Variants in PAQR3 observed in about 807,000 individuals in gnomAD.
The protein encoded by PAQR3 is Raf kinase trapping to Golgi.
Under a neutral mutation model 41.7 loss-of-function variants are expected in PAQR3, and 39 were observed. The observed-to-expected ratio is 0.93, with a 90% CI of 0.72 to 1.22. The LOEUF (loss-of-function observed/expected upper bound fraction) is 1.22. Among genes scored for constraint, PAQR3 ranks in the 50% most tolerant of loss-of-function variants. The probability of loss-of-function intolerance (pLI) is 0.00; values close to 1 mark genes in which losing one functional copy is unlikely to be tolerated. For missense variants in PAQR3, 366 were observed against 385.6 expected (o/e 0.95, Z 0.42); for synonymous variants, 140 against 140.6 (o/e 1.00, Z 0.03).
chr4:78,903,917 G>C (rs1054143383), intron 11 of PAQR3, among the ~76,000 whole-genome samples: 2 of 151,964 alleles, frequency 1.3e-5, no homozygotes, highest in Non-Finnish European at 2.9e-5. Flanking sequence ...ACAGATGAGA[G>C]TTTTAAGCCA....
chr4:78,938,960 G>T, intron 1 of PAQR3, 80 bp downstream of exon 1: 1 of 1,356,162 alleles, frequency 7.4e-7, no homozygotes, highest in Non-Finnish European at 1.0e-6. Context: ...CAGAAAGGCG[G>T]GGAAAGCAGA....
Position 78,920,494 on chromosome 4 carries a change from T to C in PAQR3, c.*45A>G. ...AATAGTGGGGTATACAATTCCCCATTATATATTGCTTAACAACTGAATTCA... is the reference window on the plus strand; with the variant it reads ...AATAGTGGGGTATACAATTCCCCATCATATATTGCTTAACAACTGAATTCA... On this transcript the variant is annotated 3_prime_UTR_variant, in exon 6 of 6. Transcript: ENST00000512733. The C allele has an allele frequency of 6.3e-7, 1 of 1,575,654 alleles. No homozygotes were observed. Among genetic ancestry groups the C allele is most frequent in the Non-Finnish European group, 8.6e-7 (1 of 1,160,976 alleles).
rs779527833 is a variant in PAQR3, at chr4:78,935,264, C to T, written c.205G>A (p.Glu69Lys). ...CIKSLFILSN[E>K]TVNIWSHLLG... ...AAATGACTCCAGATGTTTACTGTCT[C>T]ATTAGATAAAATAAACAAACTGGAA... Residue 69 changes from glutamate (E) to lysine (K), a missense_variant, in exon 2 of 6, where the codon GAG becomes AAG. Coordinates refer to ENST00000512733, the MANE Select transcript of PAQR3 (RefSeq NM_001040202.2). 8 of 1,609,928 alleles carry T rather than the reference C, an allele frequency of 5.0e-6. No homozygotes were observed. Among genetic ancestry groups the T allele is most frequent in the Non-Finnish European group, 6.8e-6 (8 of 1,178,988 alleles).
At position 78,917,769 on chromosome 4, in the gene PAQR3, T is replaced by G; in HGVS notation, c.*2770A>C. ...TATTATCTAGTAGGTACCTGCCAAATGGAGAGTTGTACAGTTTTACGGAAG... is the reference window on the plus strand; with the variant it reads ...TATTATCTAGTAGGTACCTGCCAAAGGGAGAGTTGTACAGTTTTACGGAAG... On this transcript the variant is annotated 3_prime_UTR_variant, in exon 6 of 6. Coordinates refer to ENST00000512733, the MANE Select transcript of PAQR3 (RefSeq NM_001040202.2). 1 of 970,032 alleles carries G rather than the reference T, an allele frequency of 1.0e-6. No homozygotes were observed. The highest frequency in any genetic ancestry group is 1.8e-5 in the African/African-American group (1 of 56,910). The allele number at this position is 970,032 out of a possible 1,614,324, so 60.1% of individuals were successfully genotyped here.
chr4:78,909,371 T>A (rs1734459662), downstream of PAQR3, among the ~76,000 whole-genome samples: 1 of 56,934 alleles, frequency 1.8e-5, no homozygotes. Flanking sequence ...TCATTTTTTT[T>A]TATGTAAACC....
intron 11 of PAQR3, among the ~76,000 whole-genome samples, chr4:78,888,331 A>G (rs1317946044): frequency 6.6e-6 from 1 of 152,190 alleles, no homozygotes; most frequent in African/African-American, 2.4e-5. Flanking sequence ...TTCTGCATAA[A>G]TGTGTTCCCT....
chr4:78,903,921 T>C (rs1734148298), intron 11 of PAQR3, among the ~76,000 whole-genome samples: 2 of 151,996 alleles, frequency 1.3e-5, no homozygotes, highest in African/African-American at 4.8e-5. Flanking sequence ...ATGAGAGTTT[T>C]AAGCCAGTGT....
intron 5 of PAQR3, chr4:78,922,768 A>G (rs1466924393): frequency 2.7e-6 from 1 of 376,224 alleles, no homozygotes; most frequent in Non-Finnish European, 5.2e-6. Context: ...CTGGGGGGAA[A>G]AAAAAGTATT....
At chr4:78,887,126 A>G (rs973715377), downstream of PAQR3, 3 of 1,305,408 alleles carry the variant, frequency 2.3e-6, no homozygotes, top group Non-Finnish European at 3.2e-6. Context: ...TTTAAAGATC[A>G]TTTTTATTTC....
At chr4:78,891,727 T>C (rs781703084) in intron 11 of PAQR3, among the ~76,000 whole-genome samples, 16 of 152,208 alleles carry the variant, frequency 1.1e-4, no homozygotes, top group Non-Finnish European at 1.9e-4. Context: ...TCTCTTTTCT[T>C]TATCTTTCAC....
intron 4 of PAQR3, among the ~76,000 whole-genome samples, chr4:78,924,430 C>A (rs147200834): frequency 1.3e-5 from 2 of 152,224 alleles, no homozygotes; most frequent in African/African-American, 4.8e-5. Context: ...CTGAGAAAAT[C>A]CAGCAAGCTA....
intron 2 of PAQR3, among the ~76,000 whole-genome samples, chr4:78,932,725 A>G (rs1296514929): frequency 1.3e-5 from 2 of 152,134 alleles, no homozygotes; most frequent in Non-Finnish European, 2.9e-5. Context: ...TAAAAAGAGG[A>G]AAAAAAGAAA....
Position 78,912,142 on chromosome 4 carries a change from TC to T in PAQR3, c.*8396del. 3.1e-6 allele frequency: 3 copies of T among 964,494 alleles called. No individual in the cohort carries two copies. The allele number at this position is 964,494 out of a possible 1,614,324, so 59.7% of individuals were successfully genotyped here. ...TCTTTATAGCATTCATTCTTAAAGA[TC>T]AGTCAGAATAGGTGATTTCTAAATA... On this transcript the variant is annotated 3_prime_UTR_variant, in exon 6 of 6. Transcript: ENST00000512733.
chr4:78,896,021 A>G (rs1477050989), intron 11 of PAQR3, among the ~76,000 whole-genome samples: 1 of 152,164 alleles, frequency 6.6e-6, no homozygotes, highest in Non-Finnish European at 1.5e-5. Context: ...GGCCTCCCAC[A>G]ATGCTGGGAT....
At chr4:78,926,376 A>C (rs1014656999) in intron 4 of PAQR3, 145 bp downstream of exon 4, 47 of 673,846 alleles carry the variant, frequency 7.0e-5, no homozygotes, top group Non-Finnish European at 9.9e-5. Flanking sequence ...ATGGCTGTGA[A>C]AATTACGGCA....
At chr4:78,927,473 C>T (rs1216984778) in intron 3 of PAQR3, among the ~76,000 whole-genome samples, 1 of 152,196 alleles carries the variant, frequency 6.6e-6, no homozygotes, top group Non-Finnish European at 1.5e-5. Context: ...AGAGTGGGGG[C>T]TTGGACTCCT....
chr4:78,920,623 C>T lies in PAQR3; in HGVS notation c.852G>A (p.Met284Ile). Residue 284 changes from methionine to isoleucine, a missense_variant, in exon 6 of 6, where the codon ATG becomes ATA. Transcript: ENST00000512733. ...HQIWHILAVV[M>I]LYWWHQSTVY... is the part of the protein sequence containing the mutation. ...CTGTTGACTGATGCCACCAATATAA[C>T]ATCACTACTGCAAGGATATGCCATA... 6.2e-7 allele frequency: 1 copy of T among 1,611,796 alleles called. No individual in the cohort carries two copies. The highest frequency in any genetic ancestry group is 8.5e-7 in the Non-Finnish European group (1 of 1,178,548).
At chr4:78,938,718 T>A (rs1489645529) in intron 1 of PAQR3, among the ~76,000 whole-genome samples, 2 of 152,068 alleles carry the variant, frequency 1.3e-5, no homozygotes, top group African/African-American at 4.8e-5. Context: ...CGGGCAAATA[T>A]GGCTCAGCCC....
At position 78,918,648 on chromosome 4, in the gene PAQR3, G is replaced by A. The variant is rs1318516730; in HGVS notation, c.*1891C>T. The A allele has an allele frequency of 1.1e-6, 1 of 949,114 alleles. No homozygotes were observed. The highest frequency in any genetic ancestry group is 6.2e-5 in the Admixed American group (1 of 16,140). 58.8% of individuals were successfully genotyped at this position (949,114 alleles called of 1,614,324 possible). A position where few individuals can be genotyped will look rare whatever the true frequency, so the allele number is the denominator to read the frequency against. Reference sequence around the variant, plus strand: ...TTCATGTTATTAATTCAAATGGCAAGTATGTATTCATATACTAATACAGGG... The same window carrying A: ...TTCATGTTATTAATTCAAATGGCAAATATGTATTCATATACTAATACAGGG... On this transcript the variant is annotated 3_prime_UTR_variant, in exon 6 of 6. Transcript: ENST00000512733.
Sources: allele counts gnomAD v4.1 joint callset (sites outside exome capture counted in the v4.1 genomes callset), GRCh38; gene constraint gnomAD v4.1.1; transcripts MANE v1.5; gene names NCBI Gene and HGNC (gene_info 2026-07-23, HGNC 2026-07-21).